FAM53B: variants seen among roughly 807,000 people sequenced by gnomAD.
FAM53B encodes family with sequence similarity 53 member B, also known as protein FAM53B.
FAM53B carries 12 observed loss-of-function variants against 32.7 expected under a neutral mutation model. The observed-to-expected ratio is 0.37, with a 90% CI of 0.24 to 0.59. The LOEUF (loss-of-function observed/expected upper bound fraction) is 0.59, where lower values mean the gene tolerates loss of function less well. FAM53B is among the 20% of genes least tolerant of loss of function. The pLI, the probability that FAM53B is intolerant of heterozygous loss-of-function variation, is 0.72. For missense variants in FAM53B, 477 were observed against 577.7 expected (o/e 0.83, Z 1.79); for synonymous variants, 234 against 228.7 (o/e 1.02, Z -0.21).
At chr10:124,721,186 A>G (rs1950066694) in intron 1 of FAM53B, among the ~76,000 whole-genome samples, 1 of 152,248 alleles carries the variant, frequency 6.6e-6, no homozygotes, top group Non-Finnish European at 1.5e-5. Flanking sequence ...TGGGGGACAG[A>G]GTAAGAATCC....
Position 124,682,433 on chromosome 10 carries a change from C to T in FAM53B, c.134-54G>A. On this transcript the variant is annotated intron_variant, in intron 3 of 4. Coordinates refer to ENST00000337318, the MANE Select transcript of FAM53B (RefSeq NM_014661.4). The surrounding 1 kb of genome is among the most constrained non-coding windows in gnomAD (Gnocchi z 5.2). ...GGATTTGAGAAGACCTTCACTCCAG[C>T]CCTTTATTATCTCCACACCAACAGC... 2 of 1,475,682 alleles carry T rather than the reference C, an allele frequency of 1.4e-6. No homozygotes were observed. 91.4% of individuals were successfully genotyped at this position (1,475,682 alleles called of 1,614,324 possible).
chr10:124,654,616 C>T (rs748254634), intron 4 of FAM53B, among the ~76,000 whole-genome samples: 4 of 152,198 alleles, frequency 2.6e-5, no homozygotes, highest in Non-Finnish European at 4.4e-5. Context: ...GTAGAAAGCC[C>T]GACTCCAGGC....
intron 4 of FAM53B, among the ~76,000 whole-genome samples, chr10:124,640,710 G>A (rs141870573): frequency 1.3e-5 from 2 of 152,174 alleles, no homozygotes; most frequent in Admixed American, 1.3e-4. Flanking sequence ...GGGAGGGGGC[G>A]CTACTGTCAT....
At chr10:124,626,364 C>T (rs1219068341) in intron 4 of FAM53B, among the ~76,000 whole-genome samples, 1 of 145,212 alleles carries the variant, frequency 6.9e-6, no homozygotes, top group Non-Finnish European at 1.5e-5. Context: ...CGGCACTAAC[C>T]GTGGTGCTAC....
chr10:124,715,798 C>T (rs1950035394), intron 1 of FAM53B, among the ~76,000 whole-genome samples: 1 of 152,172 alleles, frequency 6.6e-6, no homozygotes, highest in African/African-American at 2.4e-5. Flanking sequence ...AAGACGTTAC[C>T]CTTGTGCTGC....
Position 124,650,813 on chromosome 10 carries a change from C to G in FAM53B, c.907-27209G>C, listed in dbSNP as rs1793978992. The stretch of plus-strand genomic sequence containing the variant: ...AGGCCAATATTCCTTTGCCATCAGC[C>G]ATTTGTTTCGAGAGAGAGATGTGTT... On this transcript the variant is annotated intron_variant, in intron 4 of 4. Transcript: ENST00000337318. 2.6e-5 allele frequency among the ~76,000 whole-genome samples: 4 copies of G among 152,178 alleles called. No individual in the cohort carries two copies. In the South Asian group the frequency reaches 8.3e-4, roughly 32 times the overall value.
At chr10:124,691,418 T>C (rs1011784744) in intron 3 of FAM53B, among the ~76,000 whole-genome samples, 6 of 152,246 alleles carry the variant, frequency 3.9e-5, no homozygotes, top group African/African-American at 1.4e-4. Flanking sequence ...TCTTTGCCTG[T>C]GAAATAATTT....
At chr10:124,649,660 C>T (rs377076633) in intron 4 of FAM53B, among the ~76,000 whole-genome samples, 1 of 152,338 alleles carries the variant, frequency 6.6e-6, no homozygotes, top group South Asian at 2.1e-4. Flanking sequence ...CAGAGTGTCC[C>T]CCTGTAAGAT....
Position 124,654,547 on chromosome 10 carries a change from T to C in FAM53B, c.906+27060A>G, listed in dbSNP as rs528414939. Among the ~76,000 whole-genome samples, 5 of 152,308 alleles carry C rather than the reference T, an allele frequency of 3.3e-5. No individual in the cohort carries two copies. In the East Asian group the frequency reaches 9.7e-4, roughly 29 times the overall value. On this transcript the variant is annotated intron_variant, in intron 4 of 4. Coordinates refer to ENST00000337318, the MANE Select transcript of FAM53B (RefSeq NM_014661.4). Reference sequence around the variant, plus strand: ...TACAGCAGAACAAAGAAGGAGTTACTGGAAGGCAGAATCCGCCTCTGATTC... The same window carrying C: ...TACAGCAGAACAAAGAAGGAGTTACCGGAAGGCAGAATCCGCCTCTGATTC...
At chr10:124,724,747 CCA>C (rs1358334143) in intron 1 of FAM53B, among the ~76,000 whole-genome samples, 5 of 152,204 alleles carry the variant, frequency 3.3e-5, no homozygotes, top group African/African-American at 1.2e-4. Context: ...CCCAGAATGC[CCA>C]CAGACAATAC....
At chr10:124,635,220 G>A (rs1034926943) in intron 4 of FAM53B, among the ~76,000 whole-genome samples, 2 of 152,106 alleles carry the variant, frequency 1.3e-5, no homozygotes, top group Non-Finnish European at 2.9e-5. Flanking sequence ...AGCCTCCTGA[G>A]TAGGTGGGAA....
chr10:124,639,492 G>A (rs528989669), intron 4 of FAM53B, among the ~76,000 whole-genome samples: 18 of 152,324 alleles, frequency 1.2e-4, no homozygotes, highest in Admixed American at 2.6e-4. Context: ...CGAGGCAGCT[G>A]TGCAGGCTGG....
At chr10:124,738,215 C>A (rs901032217) in intron 1 of FAM53B, among the ~76,000 whole-genome samples, 18 of 152,120 alleles carry the variant, frequency 1.2e-4, no homozygotes, top group African/African-American at 4.3e-4. Context: ...CGTAGGTATG[C>A]ATGGGGTCTA....
intron 1 of FAM53B, among the ~76,000 whole-genome samples, chr10:124,739,661 G>GTCTCCA (rs1435900535): frequency 6.6e-6 from 1 of 152,100 alleles, no homozygotes; most frequent in Non-Finnish European, 1.5e-5. Flanking sequence ...AGGCAATGTG[G>GTCTCCA]TCTCCATGAT....
At chr10:124,711,272 T>C (rs1950001486) in intron 1 of FAM53B, among the ~76,000 whole-genome samples, 1 of 152,078 alleles carries the variant, frequency 6.6e-6, no homozygotes. Flanking sequence ...GGCAAAATTA[T>C]AGAATTAGTG....
chr10:124,625,652 G>C (rs2058704241), intron 4 of FAM53B, among the ~76,000 whole-genome samples: 1 of 152,208 alleles, frequency 6.6e-6, no homozygotes, highest in South Asian at 2.1e-4. Flanking sequence ...TTGTGAGGTG[G>C]AAGCCCCAGT....
intron 1 of FAM53B, among the ~76,000 whole-genome samples, chr10:124,727,996 C>T (rs1185979108): frequency 1.3e-5 from 2 of 152,180 alleles, no homozygotes; most frequent in Non-Finnish European, 2.9e-5. Context: ...GGCCCCCAGA[C>T]CCAGACCACC....
At chr10:124,670,497 A>G (rs1445101909) in intron 4 of FAM53B, among the ~76,000 whole-genome samples, 2 of 152,022 alleles carry the variant, frequency 1.3e-5, no homozygotes, top group East Asian at 3.9e-4. Flanking sequence ...CGACATCTCA[A>G]GCATCCCTTG....
chr10:124,662,961 CACCT>C (rs1476319407), intron 4 of FAM53B, among the ~76,000 whole-genome samples: 1 of 152,240 alleles, frequency 6.6e-6, no homozygotes, highest in Non-Finnish European at 1.5e-5. Flanking sequence ...CTGGAATGCC[CACCT>C]GTCTACAAGC....
Sources: gnomAD v4.1 joint callset for allele counts (sites outside exome capture counted in the v4.1 genomes callset) on GRCh38, gnomAD v4.1.1 for gene constraint, Gnocchi (gnomAD v3.1) non-coding constraint, MANE v1.5 for transcripts, NCBI Gene and HGNC (gene_info 2026-07-23, HGNC 2026-07-21) for gene names.